Variants in SH3RF1 observed in about 807,000 individuals in gnomAD.
The protein encoded by SH3RF1 is SH3 domain containing ring finger 1, also known as E3 ubiquitin-protein ligase SH3RF1.
A neutral mutation model predicts 74.0 loss-of-function variants in SH3RF1; 32 were observed. The ratio of observed to expected loss-of-function variants is 0.43; its 90% CI spans 0.33 to 0.58. The LOEUF is 0.58. SH3RF1 is among the 20% of genes least tolerant of loss of function. SH3RF1 has a pLI of 0.05. For missense variants in SH3RF1, 954 were observed against 1,130.9 expected (o/e 0.84, Z 2.24); for synonymous variants, 396 against 439.6 (o/e 0.90, Z 1.24).
rs796671083 is a variant in SH3RF1, at chr4:169,194,794, A to G, written c.394-38115T>C. On this transcript the variant is annotated intron_variant, in intron 2 of 11. Transcript: ENST00000284637. ...CCAGTCTCCCAAAGTGATTGTATCA[A>G]TGCATGTTCCCTACCAGCTGCATGA... 4.6e-5 allele frequency among the ~76,000 whole-genome samples: 7 copies of G among 152,318 alleles called. 1 individual carries two copies. Among genetic ancestry groups the G allele is most frequent in the African/African-American group, 1.7e-4 (7 of 41,580 alleles).
Position 169,117,792 on chromosome 4 carries a change from C to T in SH3RF1, c.1518-10G>A, listed in dbSNP as rs887472256. 3 of 1,602,988 alleles carry T rather than the reference C, an allele frequency of 1.9e-6. No individual in the cohort carries two copies. The highest frequency in any genetic ancestry group is 2.2e-5 in the East Asian group (1 of 44,616). ...AGCATTTGTCACCGCCCTGCCAAGA[C>T]ACAAACATAGATGGAAAGCCCAGTC... On this transcript the variant is annotated splice_polypyrimidine_tract_variant and intron_variant, in intron 8 of 11. Coordinates refer to ENST00000284637, the MANE Select transcript of SH3RF1 (RefSeq NM_020870.4).
At chr4:169,202,129 A>G (rs1371699172) in intron 2 of SH3RF1, among the ~76,000 whole-genome samples, 2 of 152,128 alleles carry the variant, frequency 1.3e-5, no homozygotes, top group Admixed American at 1.3e-4. Context: ...GTTATCTCTG[A>G]CCTCAGGATA....
intron 4 of SH3RF1, among the ~76,000 whole-genome samples, chr4:169,143,372 C>T (rs189230620): frequency 7.2e-5 from 11 of 152,248 alleles, no homozygotes; most frequent in Admixed American, 3.9e-4. Flanking sequence ...AAACCCGGTG[C>T]GAACGGAGTG....
chr4:169,212,399 T>TAATC lies in SH3RF1; in HGVS notation c.394-55724_394-55721dup, dbSNP rs1224598664. On this transcript the variant is annotated intron_variant, in intron 2 of 11. Transcript: ENST00000284637. ...TTTCTAAAAGATTCTCTGAAATATT[T>TAATC]AATCAATTACAAAGAAAAAGTAAAA... Among the ~76,000 whole-genome samples, 5 of 152,304 alleles carry TAATC rather than the reference T, an allele frequency of 3.3e-5. No homozygotes were observed. The Middle Eastern group carries it at 0.01, about 311-fold the overall frequency.
intron 2 of SH3RF1, among the ~76,000 whole-genome samples, chr4:169,246,119 G>A (rs1276205399): frequency 2.0e-5 from 3 of 152,030 alleles, no homozygotes; most frequent in Non-Finnish European, 4.4e-5. Flanking sequence ...TGTGTCTGAA[G>A]TTGGCAAAGT....
At chr4:169,231,052 ACCTTCCCAGAG>A (rs1206745576) in intron 2 of SH3RF1, among the ~76,000 whole-genome samples, 2 of 152,170 alleles carry the variant, frequency 1.3e-5, no homozygotes, top group African/African-American at 4.8e-5. Context: ...AAGGCTACTT[ACCTTCCCAGAG>A]CCCAAGTTTC....
chr4:169,112,796 C>T (rs936597547), intron 10 of SH3RF1, among the ~76,000 whole-genome samples: 13 of 152,146 alleles, frequency 8.5e-5, no homozygotes, highest in African/African-American at 3.1e-4. Context: ...TGTAAGAGCT[C>T]TTTTAAAGTT....
chr4:169,131,437 C>T (rs1579097849), intron 5 of SH3RF1, among the ~76,000 whole-genome samples: 3 of 152,038 alleles, frequency 2.0e-5, no homozygotes, highest in Admixed American at 6.6e-5. Context: ...TAGACAGAGT[C>T]TCACTATGTT....
At chr4:169,176,510 T>C (rs191167787) in intron 2 of SH3RF1, among the ~76,000 whole-genome samples, 1 of 152,274 alleles carries the variant, frequency 6.6e-6, no homozygotes, top group Non-Finnish European at 1.5e-5. Flanking sequence ...CCAATATTAA[T>C]ATTTACTAAG....
intron 2 of SH3RF1, among the ~76,000 whole-genome samples, chr4:169,210,715 T>G (rs1730343814): frequency 6.6e-6 from 1 of 152,200 alleles, no homozygotes; most frequent in African/African-American, 2.4e-5. Context: ...CTTGTGTCAA[T>G]CACTGAGTTT....
intron 5 of SH3RF1, among the ~76,000 whole-genome samples, chr4:169,133,072 C>T (rs903433506): frequency 5.9e-5 from 9 of 152,138 alleles, no homozygotes; most frequent in Admixed American, 2.0e-4. Context: ...GCAATTTGGA[C>T]GTGACAGTGA....
intron 4 of SH3RF1, among the ~76,000 whole-genome samples, chr4:169,142,206 T>A (rs981708167): frequency 1.1e-4 from 17 of 152,180 alleles, no homozygotes; most frequent in African/African-American, 4.1e-4. Flanking sequence ...TCTGCCTGCC[T>A]CGGCCTCCCA....
chr4:169,210,091 T>C (rs1451790551), intron 2 of SH3RF1, among the ~76,000 whole-genome samples: 2 of 152,100 alleles, frequency 1.3e-5, no homozygotes, highest in African/African-American at 4.8e-5. Context: ...GCACCATGCC[T>C]GGACTCTACA....
intron 5 of SH3RF1, among the ~76,000 whole-genome samples, chr4:169,135,909 C>T (rs1005384101): frequency 1.3e-5 from 2 of 152,178 alleles, no homozygotes; most frequent in Non-Finnish European, 2.9e-5. Flanking sequence ...AGGTAAGTTA[C>T]ATAGATACAA....
At chr4:169,175,846 A>G (rs1158684680) in intron 2 of SH3RF1, among the ~76,000 whole-genome samples, 1 of 152,182 alleles carries the variant, frequency 6.6e-6, no homozygotes, top group Non-Finnish European at 1.5e-5. Flanking sequence ...CAATTCATAA[A>G]TTGAAACCCT....
At chr4:169,243,826 A>T (rs1730952239) in intron 2 of SH3RF1, among the ~76,000 whole-genome samples, 1 of 152,248 alleles carries the variant, frequency 6.6e-6, no homozygotes. Context: ...CCAAAAGATG[A>T]CTTAGAATGT....
At chr4:169,188,274 C>T (rs376115480) in intron 2 of SH3RF1, among the ~76,000 whole-genome samples, 11 of 152,152 alleles carry the variant, frequency 7.2e-5, no homozygotes, top group African/African-American at 2.2e-4. Context: ...ACAACTTTCC[C>T]GTGGCCCATT....
rs1296507244 is a variant in SH3RF1, at chr4:169,130,130, A to C, written c.1095T>G (p.Ile365Met). ...SQVHISTTGL[I>M]VTPPPSSPVT... is the part of the protein sequence containing the mutation. ...CTGGGCTGCTTGGGGGCGGGGTCACAATTAACCCGGTGGTACTTATATGAA... is the reference window on the plus strand; with the variant it reads ...CTGGGCTGCTTGGGGGCGGGGTCACCATTAACCCGGTGGTACTTATATGAA... Residue 365 changes from isoleucine (I) to methionine (M), a missense_variant, in exon 6 of 12, where the codon ATT (isoleucine) becomes ATG (methionine). Transcript: ENST00000284637. 1.2e-6 allele frequency: 2 copies of C among 1,600,580 alleles called. No individual in the cohort carries two copies. The highest frequency in any genetic ancestry group is 3.5e-5 in the Admixed American group (2 of 56,628).
chr4:169,255,323 TGCA>T (rs1393298064), intron 2 of SH3RF1, among the ~76,000 whole-genome samples: 1 of 152,202 alleles, frequency 6.6e-6, no homozygotes, highest in Non-Finnish European at 1.5e-5. Flanking sequence ...TCTTCACTGT[TGCA>T]GCATTTGCAA....
Sources: allele counts gnomAD v4.1 joint callset (sites outside exome capture counted in the v4.1 genomes callset), GRCh38; gene constraint gnomAD v4.1.1; transcripts MANE v1.5; gene names NCBI Gene and HGNC (gene_info 2026-07-23, HGNC 2026-07-21).